FLCN: variants seen among roughly 807,000 people sequenced by gnomAD.
FLCN encodes the protein BHD skin lesion fibrofolliculoma protein.
In FLCN, 22 loss-of-function variants were observed where a neutral mutation model predicts 62.5. The ratio of observed to expected loss-of-function variants is 0.35; its 90% CI spans 0.25 to 0.50. The LOEUF (loss-of-function observed/expected upper bound fraction) is 0.50, where lower values mean the gene tolerates loss of function less well. FLCN is among the 20% of genes least tolerant of loss of function. The pLI is 0.97. For missense variants in FLCN, 657 were observed against 778.0 expected (o/e 0.84, Z 1.85); for synonymous variants, 319 against 310.0 (o/e 1.03, Z -0.30).
intron 6 of FLCN, among the ~76,000 whole-genome samples, chr17:17,223,600 T>C (rs1325603140): frequency 6.6e-6 from 1 of 152,150 alleles, no homozygotes; most frequent in Non-Finnish European, 1.5e-5. Flanking sequence ...CATTCGGTGG[T>C]GCAACTCAAT....
intron 3 of FLCN, 32 bp from the exon 4 acceptor site, chr17:17,228,193 A>G: frequency 6.3e-7 from 1 of 1,595,794 alleles, no homozygotes; most frequent in Non-Finnish European, 8.5e-7. Context: ...TCAGCTTGCC[A>G]ATGCCTATTG....
At chr17:17,219,526 C>CTG in intron 8 of FLCN, 1 of 176,576 alleles carries the variant, frequency 5.7e-6, no homozygotes, top group Admixed American at 8.0e-5. Flanking sequence ...CAGTCGGCCA[C>CTG]AGTTCTCGAG....
intron 2 of FLCN, among the ~76,000 whole-genome samples, chr17:17,232,562 A>T (rs1413027897): frequency 2.0e-5 from 3 of 152,144 alleles, no homozygotes. Context: ...CACTATGATG[A>T]GTGGCTTAAA....
intron 13 of FLCN, 70 bp from the exon 14 acceptor site, chr17:17,213,926 C>T (rs2046826730): frequency 8.5e-6 from 13 of 1,535,316 alleles, no homozygotes; most frequent in Non-Finnish European, 1.1e-5. Context: ...ACGGGGCCAA[C>T]CAGGGGTGAC....
chr17:17,235,691 G>T (rs1400063365), intron 1 of FLCN: 1 of 152,242 alleles, frequency 6.6e-6, no homozygotes, highest in East Asian at 1.9e-4. Flanking sequence ...CTCAGAATTC[G>T]CATTACACAT....
rs376026949 is a variant in FLCN, at chr17:17,235,003, T to C, written c.-228+1909A>G. ...GGCGGGGGCCTGTAGCCCCAGCTAC[T>C]GGGGAGGCCGAGGGAGGAGAATGGC... On this transcript the variant is annotated intron_variant, in intron 1 of 13. Transcript: ENST00000285071. 2.1e-3 allele frequency among the ~76,000 whole-genome samples: 317 copies of C among 148,488 alleles called. 1 individual carries two copies. The highest frequency in any genetic ancestry group is 3.9e-3 in the Non-Finnish European group (264 of 67,654).
chr17:17,223,820 G>A, intron 6 of FLCN, 102 bp downstream of exon 6: 1 of 1,178,994 alleles, frequency 8.5e-7, no homozygotes, highest in Non-Finnish European at 1.2e-6. Flanking sequence ...GCTGTAAGCA[G>A]AGGGGAAGAC....
At position 17,228,085 on chromosome 17, in the gene FLCN, G is replaced by T; in HGVS notation, c.53C>A (p.Thr18Asn). Residue 18 changes from threonine (T) to asparagine (N), a missense_variant, in exon 4 of 14, where the codon ACT becomes AAT. Transcript: ENST00000285071. ...CHFCELHGPR[T>N]LFCTEVLHAP... The stretch of plus-strand genomic sequence containing the variant: ...GTGCAGCACCTCCGTGCAGAAGAGA[G>T]TGCGGGGGCCGTGGAGCTCGCAGAA... 6.2e-7 allele frequency: 1 copy of T among 1,613,604 alleles called. No homozygotes were observed. Among genetic ancestry groups the T allele is most frequent in the Non-Finnish European group, 8.5e-7 (1 of 1,180,040 alleles).
intron 4 of FLCN, 95 bp from the exon 5 acceptor site, chr17:17,226,417 T>A (rs1364883701): frequency 2.7e-6 from 4 of 1,471,286 alleles, no homozygotes; most frequent in Non-Finnish European, 1.9e-6. Flanking sequence ...AAACTCAAGC[T>A]ATTTTTGTAA....
intron 3 of FLCN, among the ~76,000 whole-genome samples, chr17:17,230,943 T>G (rs958626474): frequency 1.3e-5 from 2 of 152,034 alleles, no homozygotes; most frequent in Non-Finnish European, 1.5e-5. Flanking sequence ...ATGCCTGTAA[T>G]CCCAGCACTT....
In FLCN at chr17:17,216,740, G is replaced by A. The variant is rs964352025; in HGVS notation, c.1177-237C>T. Among the ~76,000 whole-genome samples the A allele has an allele frequency of 2.6e-5, 4 of 152,112 alleles. No homozygotes were observed. Among genetic ancestry groups the A allele is most frequent in the Admixed American group, 6.5e-5 (1 of 15,268 alleles). ...CACACACCAGCTTGTACCGCCCCTC[G>A]CTCTGTGGTGTTAACTCATATTAAT... is the stretch of plus-strand genomic sequence containing the variant. On this transcript the variant is annotated intron_variant, in intron 10 of 13. Coordinates refer to ENST00000285071, the MANE Select transcript of FLCN (RefSeq NM_144997.7). This position sits in a 1 kb window ranked among gnomAD's most constrained non-coding sequence, Gnocchi z 4.0.
rs1346693824 is a variant in FLCN, at chr17:17,225,913, A to G, written c.396+263T>C. 4 of 611,594 alleles carry G rather than the reference A, an allele frequency of 6.5e-6. No individual in the cohort carries two copies. In the East Asian group the frequency reaches 1.2e-4, roughly 18 times the overall value. 37.9% of individuals were successfully genotyped at this position (611,594 alleles called of 1,614,324 possible). A position where few individuals can be genotyped will look rare whatever the true frequency, so the allele number is the denominator to read the frequency against. ...GGAAAAAAGAAAACAATAATAATAA[A>G]GAAAGGACAAATAATAAAAGTTCGG... On this transcript the variant is annotated intron_variant, in intron 5 of 13. Coordinates refer to ENST00000285071, the MANE Select transcript of FLCN (RefSeq NM_144997.7).
At chr17:17,233,716 CTTT>C (rs34208211) in intron 1 of FLCN, among the ~76,000 whole-genome samples, 5 of 63,930 alleles carry the variant, frequency 7.8e-5, no homozygotes, top group African/African-American at 1.2e-4. Flanking sequence ...CCCATCTTTC[CTTT>C]TTTTTTTTTT....
chr17:17,224,045 G>A lies in FLCN; in HGVS notation c.495C>T (p.Gly165=), dbSNP rs767290984. 6.2e-7 allele frequency: 1 copy of A among 1,613,904 alleles called. No homozygotes were observed. Among genetic ancestry groups the A allele is most frequent in the South Asian group, 1.1e-5 (1 of 91,080 alleles). The change falls in exon 6 of 14, where the codon GGC becomes GGT. Residue 165 remains glycine, a synonymous_variant. Transcript: ENST00000285071. ...TFFIKDSLAR[G]FQRWYSIITI... ...TGATGATGCTGTACCAGCGCTGGAA[G>A]CCCCTGGCCAGGCTGTCCTTGATGA...
At position 17,216,315 on chromosome 17, in the gene FLCN, T is replaced by C. The variant is rs1597583357; in HGVS notation, c.1300+65A>G. Reference sequence around the variant, plus strand: ...ACCCATGACAGAGATCTGGTTCCACTTTGGGCCTGAGGCGTGGGGAACCTC... The same window carrying C: ...ACCCATGACAGAGATCTGGTTCCACCTTGGGCCTGAGGCGTGGGGAACCTC... On this transcript the variant is annotated intron_variant, in intron 11 of 13. Transcript: ENST00000285071. This position sits in a 1 kb window ranked among gnomAD's most constrained non-coding sequence, Gnocchi z 4.0. 1 of 1,604,182 alleles carries C rather than the reference T, an allele frequency of 6.2e-7. No homozygotes were observed. Among genetic ancestry groups the C allele is most frequent in the South Asian group, 1.1e-5 (1 of 90,306 alleles).
At chr17:17,226,375 C>CT in intron 4 of FLCN, 53 bp from the exon 5 acceptor site, 1 of 1,610,048 alleles carries the variant, frequency 6.2e-7, no homozygotes, top group Non-Finnish European at 8.5e-7. Context: ...GGGCGACAAA[C>CT]TCTCTTAGGT....
chr17:17,214,399 G>C (rs990904407), intron 13 of FLCN, among the ~76,000 whole-genome samples: 1 of 151,542 alleles, frequency 6.6e-6, no homozygotes, highest in African/African-American at 2.4e-5. Context: ...TTCAAGACCA[G>C]CCTGGCCAAC....
intron 5 of FLCN, 183 bp downstream of exon 5, chr17:17,225,993 T>C: frequency 1.2e-6 from 1 of 817,722 alleles, no homozygotes; most frequent in Non-Finnish European, 2.1e-6. Flanking sequence ...AAGTCCAACA[T>C]GACTCCTCCC....
chr17:17,221,236 C>A, intron 8 of FLCN: 11 of 1,534,908 alleles, frequency 7.2e-6, no homozygotes, highest in Non-Finnish European at 8.7e-6. Context: ...TTGGCTATCA[C>A]AAAATCGGGA....
Sources: allele counts gnomAD v4.1 joint callset (sites outside exome capture counted in the v4.1 genomes callset), GRCh38; gene constraint gnomAD v4.1.1; non-coding constraint Gnocchi (gnomAD v3.1); transcripts MANE v1.5; gene names NCBI Gene and HGNC (gene_info 2026-07-23, HGNC 2026-07-21).